The following CCDC146 variants were observed in gnomAD, a reference collection of about 807,000 sequenced individuals.
The protein encoded by CCDC146 is coiled-coil domain containing 146, also known as coiled-coil domain-containing protein 146.
A neutral mutation model predicts 119.3 loss-of-function variants in CCDC146; 92 were observed. The observed-to-expected ratio is 0.77, with a 90% CI of 0.65 to 0.92. CCDC146 has a LOEUF of 0.92. Ranked by LOEUF, CCDC146 falls within the 40% of genes least tolerant of loss-of-function variation. The probability of loss-of-function intolerance (pLI) is 0.00; values close to 1 mark genes in which losing one functional copy is unlikely to be tolerated. For missense variants in CCDC146, 1,000 were observed against 1,103.0 expected (o/e 0.91, Z 1.32); for synonymous variants, 372 against 371.8 (o/e 1.00, Z -0.01).
At chr7:77,286,707 A>G in intron 15 of CCDC146, 91 bp from the exon 16 acceptor site, 3 of 1,286,226 alleles carry the variant, frequency 2.3e-6, no homozygotes, top group South Asian at 2.7e-5. Context: ...GGTTGGTCCT[A>G]CTAAAAAACT....
rs536904534 is a variant in CCDC146, at chr7:77,149,667, G to A, written c.-11-17991G>A. Among the ~76,000 whole-genome samples the A allele has an allele frequency of 4.9e-4, 75 of 151,906 alleles. 1 individual carries two copies. The highest frequency in any genetic ancestry group is 1.7e-3 in the African/African-American group (72 of 41,408). On this transcript the variant is annotated intron_variant, in intron 1 of 18. Transcript: ENST00000285871. ...TGTAATCCCAGCTACTCTGGATACTGAGGACAAGGATCACTTGCACCTGGG... is the reference window on the plus strand; with the variant it reads ...TGTAATCCCAGCTACTCTGGATACTAAGGACAAGGATCACTTGCACCTGGG...
At chr7:77,139,343 C>T (rs1790901985) in intron 1 of CCDC146, among the ~76,000 whole-genome samples, 1 of 152,154 alleles carries the variant, frequency 6.6e-6, no homozygotes, top group Non-Finnish European at 1.5e-5. Context: ...AGATAGTGAT[C>T]ACTAGGGAGT....
chr7:77,254,556 A>C lies in CCDC146; in HGVS notation c.500A>C (p.Lys167Thr), dbSNP rs747966471. ...GTAAAAGAATTTGAGAAGATAACAA[A>C]GCCAGGAGTAAGTCTTAGATGATAT... is the stretch of plus-strand genomic sequence containing the variant. ...IIVKEFEKIT[K>T]PGEMEKKMKI... The change falls in exon 5 of 19, where the codon AAG becomes ACG. Residue 167 changes from lysine (K) to threonine (T), a missense_variant. Coordinates refer to ENST00000285871, the MANE Select transcript of CCDC146 (RefSeq NM_020879.3). 1.8e-5 allele frequency: 28 copies of C among 1,521,750 alleles called. No individual in the cohort carries two copies. Among genetic ancestry groups the C allele is most frequent in the Non-Finnish European group, 2.5e-5 (27 of 1,101,100 alleles). The allele number at this position is 1,521,750 out of a possible 1,614,324, so 94.3% of individuals were successfully genotyped here.
intron 2 of CCDC146, among the ~76,000 whole-genome samples, chr7:77,216,134 G>T (rs1792297841): frequency 6.6e-6 from 1 of 151,628 alleles, no homozygotes; most frequent in Admixed American, 6.6e-5. Context: ...TTGTTATAAT[G>T]GTGATTTTTA....
chr7:77,262,688 A>C (rs771152096), intron 9 of CCDC146, among the ~76,000 whole-genome samples: 27 of 152,316 alleles, frequency 1.8e-4, no homozygotes, highest in Admixed American at 3.9e-4. Flanking sequence ...ACAGTGAAGG[A>C]CTAGATCAAA....
chr7:77,260,049 A>G lies in CCDC146; in HGVS notation c.799A>G (p.Lys267Glu), dbSNP rs138738765. 1.0e-4 allele frequency: 168 copies of G among 1,613,048 alleles called. No homozygotes were observed. The highest frequency in any genetic ancestry group is 1.3e-4 in the Non-Finnish European group (151 of 1,179,698). ...AAAAATTGTCTTGGAACAAGAAGTC[A>G]AAACGCTAAATGACTCCCTAAAGAA... ...KKKIVLEQEV[K>E]TLNDSLKKVE... is the part of the protein sequence containing the mutation. The change falls in exon 8 of 19, where the codon AAA (lysine) becomes GAA (glutamate). Residue 267 changes from lysine to glutamate, a missense_variant. Physicochemically the swap from Lys to Glu is moderately conservative, Grantham distance 56. Coordinates refer to ENST00000285871, the MANE Select transcript of CCDC146 (RefSeq NM_020879.3).
chr7:77,248,129 T>C (rs757953724), intron 4 of CCDC146, among the ~76,000 whole-genome samples: 12 of 152,142 alleles, frequency 7.9e-5, no homozygotes, highest in Non-Finnish European at 1.5e-4. Flanking sequence ...TGCAGTAATA[T>C]GGATGGAACT....
intron 2 of CCDC146, among the ~76,000 whole-genome samples, chr7:77,217,806 A>T (rs1023125199): frequency 7.2e-5 from 11 of 152,174 alleles, no homozygotes; most frequent in African/African-American, 2.4e-4. Flanking sequence ...ATTATATGCA[A>T]TTGTGATACA....
At chr7:77,208,366 A>G (rs1358245967) in intron 2 of CCDC146, among the ~76,000 whole-genome samples, 5 of 149,510 alleles carry the variant, frequency 3.3e-5, no homozygotes, top group African/African-American at 1.3e-4. Context: ...CCTACTACAC[A>G]TGTAGGCTAT....
At position 77,196,462 on chromosome 7, in the gene CCDC146, C is replaced by T; in HGVS notation, c.156+28638C>T. On this transcript the variant is annotated intron_variant, in intron 2 of 18. Transcript: ENST00000285871. This position sits in a 1 kb window ranked among gnomAD's most constrained non-coding sequence, Gnocchi z 4.2. ...TTGCAGAAAGACATGCATCAAACCACCAGCCTGAACTGTAGTACAGCCCAC... is the reference window on the plus strand; with the variant it reads ...TTGCAGAAAGACATGCATCAAACCATCAGCCTGAACTGTAGTACAGCCCAC... 6.2e-7 allele frequency: 1 copy of T among 1,614,162 alleles called. No individual in the cohort carries two copies. The highest frequency in any genetic ancestry group is 8.5e-7 in the Non-Finnish European group (1 of 1,180,028).
chr7:77,260,318 G>A (rs1793268529), intron 8 of CCDC146, 82 bp downstream of exon 8: 1 of 926,424 alleles, frequency 1.1e-6, no homozygotes, highest in Admixed American at 3.0e-5. Flanking sequence ...TCTCACTTTG[G>A]TGTTGAGTTA....
chr7:77,192,191 G>A (rs11773648), intron 2 of CCDC146, among the ~76,000 whole-genome samples: 1,915 of 152,234 alleles, frequency 0.013, 21 homozygotes, highest in Non-Finnish European at 0.016. Flanking sequence ...GGGATTACAG[G>A]CATGTGCCAC....
At chr7:77,240,232 T>G (rs973549750) in intron 3 of CCDC146, among the ~76,000 whole-genome samples, 1 of 152,212 alleles carries the variant, frequency 6.6e-6, no homozygotes, top group African/African-American at 2.4e-5. Flanking sequence ...AATGTCACAT[T>G]CCCATTGAGT....
chr7:77,125,820 T>A (rs1361996442), intron 1 of CCDC146, among the ~76,000 whole-genome samples: 3 of 152,138 alleles, frequency 2.0e-5, no homozygotes, highest in Admixed American at 6.5e-5. Flanking sequence ...TATGAAATAT[T>A]AATAAACTCA....
At chr7:77,131,285 T>G (rs1185092249) in intron 1 of CCDC146, among the ~76,000 whole-genome samples, 2 of 150,622 alleles carry the variant, frequency 1.3e-5, no homozygotes, top group Admixed American at 1.3e-4. Context: ...CAAAGACTAT[T>G]TACAATCGCC....
intron 1 of CCDC146, among the ~76,000 whole-genome samples, chr7:77,164,680 T>G (rs1384398742): frequency 6.6e-6 from 1 of 152,226 alleles, no homozygotes; most frequent in East Asian, 1.9e-4. Context: ...CACATCTTTT[T>G]GAAACATAAA....
In CCDC146 at chr7:77,287,226, T is replaced by C. The variant is rs920368871; in HGVS notation, c.2278-214T>C. The C allele has an allele frequency of 5.0e-6, 3 of 599,116 alleles. No homozygotes were observed. In the African/African-American group the frequency reaches 5.6e-5, roughly 11 times the overall value. 37.1% of individuals were successfully genotyped at this position (599,116 alleles called of 1,614,324 possible). ...TCCTGATGGGAGCACATCAGAAGAA[T>C]GGTGATGTGGATGTTAGATAGAGCT... On this transcript the variant is annotated intron_variant, in intron 16 of 18. Transcript: ENST00000285871.
At chr7:77,153,279 GAGAA>G (rs1791132029) in intron 1 of CCDC146, among the ~76,000 whole-genome samples, 1 of 152,174 alleles carries the variant, frequency 6.6e-6, no homozygotes, top group African/African-American at 2.4e-5. Flanking sequence ...TCCAGGGTGT[GAGAA>G]AGAGGAAGGG....
At position 77,279,027 on chromosome 7, in the gene CCDC146, T is replaced by A. The variant is rs773820657; in HGVS notation, c.1620T>A (p.Asn540Lys). The change falls in exon 13 of 19, where the codon AAT becomes AAA. Residue 540 changes from asparagine (N) to lysine (K), a missense_variant. By Grantham distance (94) the Asn-to-Lys change is moderately conservative (BLOSUM62 0). Coordinates refer to ENST00000285871, the MANE Select transcript of CCDC146 (RefSeq NM_020879.3). ...NLLHKAHQKV[N>K]EIKERHKMSL... ...TCCACAAAGCTCATCAGAAAGTAAA[T>A]GAAATAAAAGAAAGGCATAAAATGT... 6.2e-7 allele frequency: 1 copy of A among 1,610,548 alleles called. No individual in the cohort carries two copies. Among genetic ancestry groups the A allele is most frequent in the South Asian group, 1.1e-5 (1 of 90,134 alleles).
Sources: gnomAD v4.1 joint callset for allele counts (sites outside exome capture counted in the v4.1 genomes callset) on GRCh38, gnomAD v4.1.1 for gene constraint, Gnocchi (gnomAD v3.1) non-coding constraint, MANE v1.5 for transcripts, NCBI Gene and HGNC (gene_info 2026-07-23, HGNC 2026-07-21) for gene names.